RALYL: variants seen among roughly 807,000 people sequenced by gnomAD.
RALYL encodes RNA-binding Raly-like protein.
Under a neutral mutation model 35.1 loss-of-function variants are expected in RALYL, and 29 were observed. The ratio of observed to expected loss-of-function variants is 0.83; its 90% confidence interval spans 0.61 to 1.13. The LOEUF (loss-of-function observed/expected upper bound fraction) is 1.13. RALYL is among the 50% of genes most tolerant of loss of function. RALYL has a pLI of 0.00. For synonymous variants in RALYL, 120 were observed against 127.6 expected (o/e 0.94, Z 0.40); for missense variants, 359 against 360.4 (o/e 1.00, Z 0.03).
intron 2 of RALYL, among the ~76,000 whole-genome samples, chr8:84,751,515 T>C (rs1810008037): frequency 6.6e-6 from 1 of 152,096 alleles, no homozygotes; most frequent in Admixed American, 6.5e-5. Flanking sequence ...GCCTGGTTTA[T>C]GCATTTTTTT....
At chr8:84,752,685 C>T (rs774288143) in intron 2 of RALYL, among the ~76,000 whole-genome samples, 2 of 152,142 alleles carry the variant, frequency 1.3e-5, no homozygotes, top group Non-Finnish European at 1.5e-5. Context: ...CCAGCAGTAG[C>T]TGAAAGGGTC....
At chr8:84,248,761 A>G (rs1360452870) in intron 1 of RALYL, among the ~76,000 whole-genome samples, 2 of 152,076 alleles carry the variant, frequency 1.3e-5, no homozygotes, top group African/African-American at 2.4e-5. Context: ...TATTTAACTC[A>G]TATTTATATG....
At chr8:84,545,463 A>G (rs753199740) in intron 2 of RALYL, among the ~76,000 whole-genome samples, 3 of 152,160 alleles carry the variant, frequency 2.0e-5, no homozygotes, top group Non-Finnish European at 4.4e-5. Context: ...GAACAATATT[A>G]TATTCTAATT....
intron 1 of RALYL, among the ~76,000 whole-genome samples, chr8:84,453,649 G>C (rs999193507): frequency 2.6e-5 from 4 of 151,966 alleles, no homozygotes; most frequent in Non-Finnish European, 4.4e-5. Context: ...ATTTAATCTT[G>C]AACAATTGTC....
chr8:84,879,875 G>A (rs1182462975), intron 7 of RALYL, among the ~76,000 whole-genome samples: 1 of 151,810 alleles, frequency 6.6e-6, no homozygotes. Flanking sequence ...AGATTGCCCT[G>A]GACACTTACT....
chr8:84,749,635 G>A (rs1458446373), intron 2 of RALYL, among the ~76,000 whole-genome samples: 1 of 152,152 alleles, frequency 6.6e-6, no homozygotes, highest in Non-Finnish European at 1.5e-5. Flanking sequence ...ACATAAATTA[G>A]TAAGAGAAAG....
intron 5 of RALYL, among the ~76,000 whole-genome samples, chr8:84,861,836 CA>C (rs1243474118): frequency 2.0e-5 from 3 of 152,188 alleles, no homozygotes; most frequent in Admixed American, 2.0e-4. Flanking sequence ...ACTGTTTGAA[CA>C]GTAATTTTAT....
At chr8:84,673,227 T>C (rs996342981) in intron 2 of RALYL, among the ~76,000 whole-genome samples, 4 of 152,196 alleles carry the variant, frequency 2.6e-5, no homozygotes, top group Non-Finnish European at 4.4e-5. Flanking sequence ...TTGTTTGTTT[T>C]ATTGTAAATG....
intron 2 of RALYL, among the ~76,000 whole-genome samples, chr8:84,714,166 G>A (rs1424743647): frequency 6.6e-6 from 1 of 151,740 alleles, no homozygotes; most frequent in Non-Finnish European, 1.5e-5. Flanking sequence ...GATAAATACT[G>A]TGTCATCTCA....
chr8:84,600,982 C>G (rs1815802415), intron 2 of RALYL, among the ~76,000 whole-genome samples: 1 of 152,018 alleles, frequency 6.6e-6, no homozygotes, highest in South Asian at 2.1e-4. Context: ...TAGTAAGTGC[C>G]TATAATGTAT....
chr8:84,369,238 A>G (rs1855181144), intron 1 of RALYL, among the ~76,000 whole-genome samples: 1 of 152,142 alleles, frequency 6.6e-6, no homozygotes, highest in Non-Finnish European at 1.5e-5. Flanking sequence ...TGTCCTCTTG[A>G]AATCCAATAA....
intron 3 of RALYL, among the ~76,000 whole-genome samples, chr8:84,790,220 G>T (rs1234300054): frequency 6.6e-6 from 1 of 152,190 alleles, no homozygotes; most frequent in Non-Finnish European, 1.5e-5. Flanking sequence ...CTTCATGAGG[G>T]ATTGTGGGGT....
intron 1 of RALYL, among the ~76,000 whole-genome samples, chr8:84,306,162 T>TAA (rs566170533): frequency 3.8e-5 from 5 of 130,626 alleles, no homozygotes; most frequent in Non-Finnish European, 3.3e-5. Flanking sequence ...AGACTCCGTC[T>TAA]AAAAAAAAAA....
intron 1 of RALYL, among the ~76,000 whole-genome samples, chr8:84,201,085 G>A (rs1816719394): frequency 6.6e-6 from 1 of 152,122 alleles, no homozygotes; most frequent in Admixed American, 6.6e-5. Flanking sequence ...GGTTAAGATA[G>A]TATCTTATTC....
chr8:84,916,529 G>A (rs151004923), intron 8 of RALYL, among the ~76,000 whole-genome samples: 1 of 151,932 alleles, frequency 6.6e-6, no homozygotes, highest in Non-Finnish European at 1.5e-5. Context: ...CTATAGGGGG[G>A]AGTTTCCCTG....
chr8:84,352,890 C>T (rs555510108), intron 1 of RALYL, among the ~76,000 whole-genome samples: 1 of 149,902 alleles, frequency 6.7e-6, no homozygotes. Context: ...TTTTTTTACT[C>T]TGCAAAAAAT....
chr8:84,865,650 A>G (rs1241695113), intron 6 of RALYL, among the ~76,000 whole-genome samples: 5 of 152,208 alleles, frequency 3.3e-5, no homozygotes, highest in Admixed American at 3.3e-4. Flanking sequence ...AGCATTTTAC[A>G]AAAGAGAAAA....
At chr8:84,258,554 C>CA (rs899941666) in intron 1 of RALYL, among the ~76,000 whole-genome samples, 17 of 151,202 alleles carry the variant, frequency 1.1e-4, no homozygotes, top group African/African-American at 3.2e-4. Flanking sequence ...TTGATTGTAT[C>CA]AAAAAAAGGC....
At chr8:84,479,286 A>C (rs1318463947) in intron 1 of RALYL, among the ~76,000 whole-genome samples, 1 of 151,998 alleles carries the variant, frequency 6.6e-6, no homozygotes, top group East Asian at 1.9e-4. Flanking sequence ...TGCTTAAAAT[A>C]AGTTTTCTCT....
Sources: allele counts gnomAD v4.1 joint callset (sites outside exome capture counted in the v4.1 genomes callset), GRCh38; gene constraint gnomAD v4.1.1; transcripts MANE v1.5; gene names NCBI Gene and HGNC (gene_info 2026-07-23, HGNC 2026-07-21).